RNF111: variants seen among roughly 807,000 people sequenced by gnomAD.
RNF111 encodes the protein ring finger protein 111.
Under a neutral mutation model 95.1 loss-of-function variants are expected in RNF111, and 17 were observed. That is an observed-to-expected ratio of 0.18 (90% CI 0.12 to 0.27). The LOEUF (loss-of-function observed/expected upper bound fraction) is 0.27. Ranked by LOEUF, RNF111 falls within the 10% of genes least tolerant of loss-of-function variation. The pLI is 1.00. For missense variants in RNF111, 1,189 were observed against 1,210.4 expected, an observed-to-expected ratio of 0.98 and a Z score of 0.26; for synonymous variants, 440 against 414.8, an observed-to-expected ratio of 1.06 and a Z score of -0.74.
rs755631504 is a variant in RNF111, at chr15:59,066,946, C to T, written c.1549C>T (p.His517Tyr). The T allele has an allele frequency of 6.2e-7, 1 of 1,613,950 alleles. No individual in the cohort carries two copies. The highest frequency in any genetic ancestry group is 1.3e-5 in the African/African-American group (1 of 74,870). Reference sequence around the variant, plus strand: ...TGGTCACCATTTTCAACATCATCACCACCACCACCATACTCCCCACCCAGC... The same window carrying T: ...TGGTCACCATTTTCAACATCATCACTACCACCACCATACTCCCCACCCAGC... ...QHGHHFQHHH[H>Y]HHHTPHPAVP... is the part of the protein sequence containing the mutation. The change falls in exon 6 of 14, where the codon CAC becomes TAC. Residue 517 changes from histidine to tyrosine, a missense_variant. His to Tyr is a moderately conservative substitution (Grantham distance 83, BLOSUM62 2). Around this residue, in one of 2 missense-constraint regions of RNF111, gnomAD observed 1,024 missense variants for 925.9 expected, o/e 1.11. Transcript: ENST00000348370.
chr15:59,041,861 G>A (rs1469484044), intron 2 of RNF111, among the ~76,000 whole-genome samples: 3 of 148,642 alleles, frequency 2.0e-5, no homozygotes, highest in Non-Finnish European at 4.5e-5. Flanking sequence ...TTTTAAATTT[G>A]TATTTCTTTT....
At chr15:59,069,669 G>A (rs963222735) in intron 6 of RNF111, among the ~76,000 whole-genome samples, 6 of 152,058 alleles carry the variant, frequency 3.9e-5, no homozygotes, top group Admixed American at 1.3e-4. Context: ...TGGATTTGAA[G>A]GTAAAGAGAG....
chr15:59,044,782 A>G (rs72746811), intron 2 of RNF111, among the ~76,000 whole-genome samples: 27 of 152,344 alleles, frequency 1.8e-4, no homozygotes, highest in African/African-American at 5.3e-4. Context: ...AAGTCGTGCT[A>G]TTTAATAAGA....
Position 59,097,129 on chromosome 15 carries a change from A to C in RNF111, c.*2229A>C, listed in dbSNP as rs774353166. 8 of 152,232 alleles carry C rather than the reference A, an allele frequency of 5.3e-5. No individual in the cohort carries two copies. Among genetic ancestry groups the C allele is most frequent in the Non-Finnish European group, 7.3e-5 (5 of 68,030 alleles). 9.4% of individuals were successfully genotyped at this position (152,232 alleles called of 1,614,324 possible). On this transcript the variant is annotated 3_prime_UTR_variant, in exon 14 of 14. Transcript: ENST00000348370. ...GAAAAATGTGATAAGTAATGAAGAA[A>C]GTAAGGAAGAAAATGACTTTGAACA...
intron 1 of RNF111, among the ~76,000 whole-genome samples, chr15:59,010,668 T>C (rs144419270): frequency 0.026 from 3,908 of 152,214 alleles, 90 homozygotes; most frequent in African/African-American, 0.055. Context: ...TCCCAGAGTG[T>C]TGGGATTACA....
Position 59,076,211 on chromosome 15 carries a change from C to G in RNF111, c.1944C>G (p.Pro648=), listed in dbSNP as rs375457805. The G allele has an allele frequency of 9.5e-5, 153 of 1,612,902 alleles. 1 individual carries two copies. Among genetic ancestry groups the G allele is most frequent in the Non-Finnish European group, 9.0e-5 (106 of 1,179,880 alleles). The part of the protein sequence containing the change: ...SLSSCRHYMP[P]PYASLTRPLH... ...CATCATGTCGACATTACATGCCACC[C>G]CCTTGTAAGTATATACTTAGTGGAC... Residue 648 remains proline (P), a synonymous_variant, in exon 7 of 14, where the codon CCC becomes CCG. Coordinates refer to ENST00000348370, the MANE Select transcript of RNF111 (RefSeq NM_017610.8).
At chr15:59,042,316 G>A (rs1246605577) in intron 2 of RNF111, among the ~76,000 whole-genome samples, 1 of 152,008 alleles carries the variant, frequency 6.6e-6, no homozygotes, top group Non-Finnish European at 1.5e-5. Context: ...TAGGAGGGAT[G>A]AGGTTTTGCC....
At chr15:59,078,676 T>G (rs2078642997) in intron 7 of RNF111, among the ~76,000 whole-genome samples, 1 of 151,230 alleles carries the variant, frequency 6.6e-6, no homozygotes, top group Non-Finnish European at 1.5e-5. Flanking sequence ...CTGGCCAACA[T>G]GGCGAAACCC....
intron 4 of RNF111, among the ~76,000 whole-genome samples, chr15:59,057,661 A>G (rs1487119868): frequency 6.6e-6 from 1 of 152,244 alleles, no homozygotes; most frequent in East Asian, 1.9e-4. Context: ...TTTATTAGAA[A>G]GCACTGATGA....
chr15:58,990,387 T>A (rs761140500), intron 1 of RNF111, among the ~76,000 whole-genome samples: 1 of 152,122 alleles, frequency 6.6e-6, no homozygotes, highest in Non-Finnish European at 1.5e-5. Flanking sequence ...GGGCCAGGCG[T>A]GGTGGCTCAC....
intron 5 of RNF111, among the ~76,000 whole-genome samples, chr15:59,060,065 T>C (rs1258121415): frequency 3.3e-5 from 5 of 152,146 alleles, no homozygotes; most frequent in African/African-American, 1.2e-4. Context: ...GGAGTATCTT[T>C]TTTGTTTTTT....
At chr15:59,016,635 A>G (rs562788275) in intron 1 of RNF111, among the ~76,000 whole-genome samples, 52 of 152,184 alleles carry the variant, frequency 3.4e-4, no homozygotes, top group Non-Finnish European at 6.8e-4. Flanking sequence ...TATTTCAAAC[A>G]GTATTTCCTG....
rs982283298 is a variant in RNF111 at position 59,095,859 on chromosome 15, C to T, written c.*959C>T. The stretch of plus-strand genomic sequence containing the variant: ...TTAAGTCAAGATTTGGAATTTAAGT[C>T]ACTGGCAGGTATCTGTGCATTCATA... On this transcript the variant is annotated 3_prime_UTR_variant, in exon 14 of 14. Coordinates refer to ENST00000348370, the MANE Select transcript of RNF111 (RefSeq NM_017610.8). 2.3e-5 allele frequency: 9 copies of T among 395,860 alleles called. No individual in the cohort carries two copies. Among genetic ancestry groups the T allele is most frequent in the Middle Eastern group, 6.3e-4 (1 of 1,594 alleles). 24.5% of individuals were successfully genotyped at this position (395,860 alleles called of 1,614,324 possible).
chr15:59,041,258 A>G (rs2041435587), intron 2 of RNF111, among the ~76,000 whole-genome samples: 1 of 152,148 alleles, frequency 6.6e-6, no homozygotes, highest in Non-Finnish European at 1.5e-5. Flanking sequence ...TAGCACTGCA[A>G]TAAATAGCTT....
At chr15:59,034,051 T>C (rs1037125024) in intron 2 of RNF111, among the ~76,000 whole-genome samples, 2 of 152,234 alleles carry the variant, frequency 1.3e-5, no homozygotes, top group Admixed American at 1.3e-4. Flanking sequence ...CCAGTGTTAC[T>C]ATTAACCAGA....
chr15:59,073,124 G>A (rs938778075), intron 6 of RNF111, among the ~76,000 whole-genome samples: 1 of 152,040 alleles, frequency 6.6e-6, no homozygotes, highest in Non-Finnish European at 1.5e-5. Flanking sequence ...AGTGAGCCAC[G>A]TTTGTATTAC....
In RNF111 at chr15:59,067,086, A is replaced by G. The variant is rs1166399375; in HGVS notation, c.1686+3A>G. On this transcript the variant is annotated splice_donor_region_variant and intron_variant, in intron 6 of 13. Coordinates refer to ENST00000348370, the MANE Select transcript of RNF111 (RefSeq NM_017610.8). Reference sequence around the variant, plus strand: ...CTGGTACCAGCTATCATGAACAGGTATGTGGAATTTGAGTCAGTCTTTCTT... The same window carrying G: ...CTGGTACCAGCTATCATGAACAGGTGTGTGGAATTTGAGTCAGTCTTTCTT... 6.2e-7 allele frequency: 1 copy of G among 1,610,686 alleles called. No homozygotes were observed.
chr15:59,045,928 G>A (rs1422163461), intron 2 of RNF111, among the ~76,000 whole-genome samples: 2 of 152,154 alleles, frequency 1.3e-5, no homozygotes, highest in Non-Finnish European at 2.9e-5. Context: ...TTTTCTGCCT[G>A]TAAGATATAT....
At chr15:59,011,850 A>C (rs1427016122) in intron 1 of RNF111, among the ~76,000 whole-genome samples, 1 of 152,104 alleles carries the variant, frequency 6.6e-6, no homozygotes, top group Non-Finnish European at 1.5e-5. Flanking sequence ...AGAAGTTCAT[A>C]GCACATTGAA....
Sources: gnomAD v4.1 joint callset for allele counts (sites outside exome capture counted in the v4.1 genomes callset) on GRCh38, gnomAD v4.1.1 for gene constraint, gnomAD v4.1.1 regional missense constraint, MANE v1.5 for transcripts, NCBI Gene and HGNC (gene_info 2026-07-23, HGNC 2026-07-21) for gene names.